The following CAMK2B variants were observed in gnomAD, a reference collection of about 807,000 sequenced individuals.
CAMK2B encodes the protein calcium/calmodulin dependent protein kinase II beta.
In CAMK2B, 27 loss-of-function variants were observed where a neutral mutation model predicts 93.7. That is an observed-to-expected ratio of 0.29 (90% CI 0.21 to 0.40). The LOEUF (loss-of-function observed/expected upper bound fraction) is 0.40, where lower values mean the gene tolerates loss of function less well. Among genes scored for constraint, CAMK2B ranks in the 10% least tolerant of loss-of-function variants. The pLI is 1.00. For missense variants in CAMK2B, 568 were observed against 895.8 expected, an observed-to-expected ratio of 0.63 and a Z score of 4.67; for synonymous variants, 374 against 358.8, an observed-to-expected ratio of 1.04 and a Z score of -0.48.
intron 3 of CAMK2B, among the ~76,000 whole-genome samples, chr7:44,260,455 A>T (rs971049200): frequency 6.6e-6 from 1 of 152,156 alleles, no homozygotes; most frequent in African/African-American, 2.4e-5. Flanking sequence ...AGGCCCCAGA[A>T]GCCTCCACAG....
chr7:44,325,228 G>T, intron 1 of CAMK2B, 129 bp downstream of exon 1: 1 of 367,182 alleles, frequency 2.7e-6, no homozygotes, highest in Non-Finnish European at 3.8e-6. Flanking sequence ...CCGTGCGCTT[G>T]GGCCCGGAGC....
chr7:44,229,385 T>A lies in CAMK2B; in HGVS notation c.1339+3A>T. 6.6e-7 allele frequency: 1 copy of A among 1,522,276 alleles called. No individual in the cohort carries two copies. The highest frequency in any genetic ancestry group is 8.8e-7 in the Non-Finnish European group (1 of 1,131,638). 94.3% of individuals were successfully genotyped at this position (1,522,276 alleles called of 1,614,324 possible). A position where few individuals can be genotyped will look rare whatever the true frequency, so the allele number is the denominator to read the frequency against. ...CCACAGCAGCAGGACCCAGGCTACT[T>A]ACATGGGGCTGGCAGGGGGCTAAAG... On this transcript the variant is annotated splice_donor_region_variant and intron_variant, in intron 18 of 23. Coordinates refer to ENST00000395749, the MANE Select transcript of CAMK2B (RefSeq NM_001220.5).
intron 6 of CAMK2B, among the ~76,000 whole-genome samples, chr7:44,244,062 C>T (rs11768656): frequency 0.019 from 2,922 of 152,270 alleles, 53 homozygotes; most frequent in Non-Finnish European, 0.031. Flanking sequence ...AGATGGTGAC[C>T]CCCAAAGGGC....
At chr7:44,307,214 G>A (rs1159048772) in intron 1 of CAMK2B, among the ~76,000 whole-genome samples, 2 of 140,654 alleles carry the variant, frequency 1.4e-5, no homozygotes, top group Non-Finnish European at 3.1e-5. Flanking sequence ...TGAACAGGAG[G>A]AGGGTATGAG....
At chr7:44,272,992 G>A (rs1009248692) in intron 2 of CAMK2B, among the ~76,000 whole-genome samples, 3 of 152,188 alleles carry the variant, frequency 2.0e-5, no homozygotes, top group Non-Finnish European at 4.4e-5. Flanking sequence ...ACAACATTAC[G>A]TGCTACCTTG....
At chr7:44,276,775 C>T (rs550277730) in intron 2 of CAMK2B, among the ~76,000 whole-genome samples, 2 of 152,308 alleles carry the variant, frequency 1.3e-5, no homozygotes, top group South Asian at 2.1e-4. Context: ...CCACGCTGGC[C>T]GAACCCTCGG....
intron 6 of CAMK2B, 82 bp downstream of exon 6, chr7:44,247,037 CT>C: frequency 8.8e-7 from 1 of 1,133,612 alleles, no homozygotes; most frequent in Non-Finnish European, 1.3e-6. Flanking sequence ...GTGCCACACA[CT>C]GTCCAGCCCC....
chr7:44,236,011 C>T (rs2096622380), intron 13 of CAMK2B, among the ~76,000 whole-genome samples: 3 of 150,044 alleles, frequency 2.0e-5, no homozygotes, highest in Admixed American at 2.0e-4. Flanking sequence ...GCAGCAGAAT[C>T]GCCCTGTACA....
chr7:44,253,519 G>C (rs1435891381), intron 5 of CAMK2B, among the ~76,000 whole-genome samples: 1 of 152,168 alleles, frequency 6.6e-6, no homozygotes, highest in East Asian at 1.9e-4. Flanking sequence ...GGCCTAAAAA[G>C]AGTTTTTAAA....
chr7:44,290,703 AG>A (rs34254481), intron 1 of CAMK2B, among the ~76,000 whole-genome samples: 1 of 152,230 alleles, frequency 6.6e-6, no homozygotes, highest in African/African-American at 2.4e-5. Context: ...GGAGTGCCAG[AG>A]GGGGAGGTCT....
intron 23 of CAMK2B, among the ~76,000 whole-genome samples, 169 bp downstream of exon 23, chr7:44,219,891 C>T (rs1042775239): frequency 2.6e-5 from 4 of 152,100 alleles, no homozygotes; most frequent in Admixed American, 6.5e-5. Context: ...CCCAGCCTGC[C>T]GTGGTCCCTA....
chr7:44,235,810 C>CTG (rs2096620116), intron 13 of CAMK2B, among the ~76,000 whole-genome samples: 1 of 152,220 alleles, frequency 6.6e-6, no homozygotes, highest in Admixed American at 6.5e-5. Flanking sequence ...GAAGGTGGCA[C>CTG]AGCAATCCCC....
chr7:44,263,192 C>T, intron 2 of CAMK2B, 128 bp from the exon 3 acceptor site: 2 of 784,678 alleles, frequency 2.5e-6, no homozygotes, highest in Non-Finnish European at 2.0e-6. Flanking sequence ...TGTGCCCCCA[C>T]CAAGGGAACA....
At chr7:44,310,326 T>C (rs908292297) in intron 1 of CAMK2B, among the ~76,000 whole-genome samples, 3 of 152,060 alleles carry the variant, frequency 2.0e-5, no homozygotes, top group Admixed American at 6.5e-5. Flanking sequence ...AAGAAAGAAA[T>C]GGGGCTTCCA....
intron 2 of CAMK2B, among the ~76,000 whole-genome samples, chr7:44,269,526 C>T (rs958155150): frequency 7.2e-5 from 11 of 152,288 alleles, no homozygotes; most frequent in African/African-American, 1.4e-4. Context: ...CCTCCTCCTC[C>T]CTGGCAGTGG....
At chr7:44,254,650 T>C in intron 4 of CAMK2B, 43 bp from the exon 5 acceptor site, 1 of 1,381,644 alleles carries the variant, frequency 7.2e-7, no homozygotes, top group Non-Finnish European at 1.0e-6. Flanking sequence ...TGGAGACCCC[T>C]GTCACACTGC....
chr7:44,267,406 A>G (rs1348722039), intron 2 of CAMK2B, among the ~76,000 whole-genome samples: 1 of 152,014 alleles, frequency 6.6e-6, no homozygotes, highest in African/African-American at 2.4e-5. Flanking sequence ...GAGTTTGCCT[A>G]CTCATGCTGG....
chr7:44,278,248 C>G (rs2097068138), intron 2 of CAMK2B, among the ~76,000 whole-genome samples: 1 of 152,186 alleles, frequency 6.6e-6, no homozygotes, highest in Admixed American at 6.5e-5. Context: ...GAGGGGTCCT[C>G]CGCAGCAGGA....
chr7:44,288,433 C>T lies in CAMK2B; in HGVS notation c.66-4208G>A, dbSNP rs139621452. Among the ~76,000 whole-genome samples, 5 of 152,308 alleles carry T rather than the reference C, an allele frequency of 3.3e-5. No individual in the cohort carries two copies. The East Asian group carries it at 7.7e-4, about 24-fold the overall frequency. ...GGTTGGGGCAAAGGCAGGAAAAAGCCGGAAGAGGTGCTCCTACGGGATCCC... is the reference window on the plus strand; with the variant it reads ...GGTTGGGGCAAAGGCAGGAAAAAGCTGGAAGAGGTGCTCCTACGGGATCCC... On this transcript the variant is annotated intron_variant, in intron 1 of 23. Transcript: ENST00000395749.
Sources: gnomAD v4.1 joint callset for allele counts (sites outside exome capture counted in the v4.1 genomes callset) on GRCh38, gnomAD v4.1.1 for gene constraint, MANE v1.5 for transcripts, NCBI Gene and HGNC (gene_info 2026-07-23, HGNC 2026-07-21) for gene names.